ITK: variants seen among roughly 807,000 people sequenced by gnomAD.
ITK encodes the protein tyrosine-protein kinase ITK/TSK.
Under a neutral mutation model 87.6 loss-of-function variants are expected in ITK, and 45 were observed. That is an observed-to-expected ratio of 0.51 (90% CI 0.40 to 0.66). ITK has a LOEUF of 0.66. Among genes scored for constraint, ITK ranks in the 30% least tolerant of loss-of-function variants. The pLI, the probability that ITK is intolerant of heterozygous loss-of-function variation, is 0.00. For synonymous variants in ITK, 303 were observed against 273.6 expected (o/e 1.11, Z -1.06); for missense variants, 605 against 766.3 (o/e 0.79, Z 2.48).
At chr5:157,184,196 G>T (rs1340741403) in intron 1 of ITK, among the ~76,000 whole-genome samples, 1 of 152,166 alleles carries the variant, frequency 6.6e-6, no homozygotes, top group Non-Finnish European at 1.5e-5. Flanking sequence ...AGAGGACAAT[G>T]AGAGATAAGG....
chr5:157,201,445 G>C (rs920545766), intron 1 of ITK, among the ~76,000 whole-genome samples: 15 of 151,630 alleles, frequency 9.9e-5, no homozygotes, highest in African/African-American at 2.2e-4. Flanking sequence ...TTACAGATGC[G>C]TACCACCATG....
At chr5:157,215,238 A>G (rs1754275755) in intron 4 of ITK, among the ~76,000 whole-genome samples, 1 of 151,946 alleles carries the variant, frequency 6.6e-6, no homozygotes, top group Admixed American at 6.5e-5. Flanking sequence ...TTTTCCTTCC[A>G]TTTTCCTCTC....
chr5:157,215,059 C>T lies in ITK; in HGVS notation c.454+740C>T, dbSNP rs571285663. Among the ~76,000 whole-genome samples, 12 of 152,288 alleles carry T rather than the reference C, an allele frequency of 7.9e-5. No homozygotes were observed. In the South Asian group the frequency reaches 1.4e-3, roughly 18 times the overall value. On this transcript the variant is annotated intron_variant, in intron 4 of 16. Coordinates refer to ENST00000422843, the MANE Select transcript of ITK (RefSeq NM_005546.4). ...ACCTCCAGTCGAGTACAACTCCACT[C>T]GAATGCATTTCACATTTATTATGCT...
intron 1 of ITK, among the ~76,000 whole-genome samples, chr5:157,203,082 C>T (rs531081442): frequency 6.6e-6 from 1 of 152,276 alleles, no homozygotes; most frequent in East Asian, 1.9e-4. Flanking sequence ...ACTTTTTGGT[C>T]TCTTCTTAGA....
chr5:157,219,614 T>C (rs375104312), intron 5 of ITK, among the ~76,000 whole-genome samples: 3 of 152,214 alleles, frequency 2.0e-5, no homozygotes, highest in African/African-American at 7.2e-5. Context: ...TGTTTAGATC[T>C]GTCATCAGCC....
intron 8 of ITK, 68 bp downstream of exon 8, chr5:157,232,462 A>T: frequency 8.8e-7 from 1 of 1,140,970 alleles, no homozygotes; most frequent in Non-Finnish European, 1.3e-6. Flanking sequence ...CATGTCTGGA[A>T]TCCCAGCGAT....
In ITK at chr5:157,252,788, G is replaced by T; in HGVS notation, c.*110G>T. On this transcript the variant is annotated 3_prime_UTR_variant, in exon 17 of 17. Coordinates refer to ENST00000422843, the MANE Select transcript of ITK (RefSeq NM_005546.4). ...ACCAGCCCAGGACCCTCCAGAGGCA[G>T]CCTGGCCTGTGGCATCAGTCCCTGA... The T allele has an allele frequency of 1.2e-6, 1 of 859,368 alleles. No individual in the cohort carries two copies. Among genetic ancestry groups the T allele is most frequent in the Non-Finnish European group, 2.0e-6 (1 of 505,504 alleles). The allele number at this position is 859,368 out of a possible 1,614,324, so 53.2% of individuals were successfully genotyped here.
chr5:157,205,273 T>C (rs960689940), intron 1 of ITK, among the ~76,000 whole-genome samples: 1 of 152,152 alleles, frequency 6.6e-6, no homozygotes, highest in Admixed American at 6.5e-5. Context: ...CACAGAGCTC[T>C]TATAGTAAGA....
At chr5:157,219,253 C>T (rs1754364221) in intron 5 of ITK, among the ~76,000 whole-genome samples, 1 of 151,932 alleles carries the variant, frequency 6.6e-6, no homozygotes, top group African/African-American at 2.4e-5. Context: ...GCTGGGATTA[C>T]AGGCGCTCAC....
At chr5:157,229,798 C>G (rs531438026) in intron 7 of ITK, among the ~76,000 whole-genome samples, 1 of 152,274 alleles carries the variant, frequency 6.6e-6, no homozygotes, top group South Asian at 2.1e-4. Flanking sequence ...CCTGTAGTCC[C>G]AGATACTTGG....
At chr5:157,226,893 T>C (rs1023240043) in intron 6 of ITK, among the ~76,000 whole-genome samples, 1 of 152,116 alleles carries the variant, frequency 6.6e-6, no homozygotes, top group Admixed American at 6.6e-5. Flanking sequence ...TCCACACCAC[T>C]GCCCCCACCC....
intron 6 of ITK, among the ~76,000 whole-genome samples, chr5:157,226,228 G>A (rs180859392): frequency 1.3e-5 from 2 of 152,328 alleles, no homozygotes. Context: ...AGCTGATAAT[G>A]TCAGCTTTGT....
chr5:157,233,499 C>T (rs2113767677), intron 8 of ITK, among the ~76,000 whole-genome samples: 2 of 152,294 alleles, frequency 1.3e-5, no homozygotes, highest in South Asian at 4.1e-4. Context: ...CAAAAAAACA[C>T]ACATTAGAAT....
intron 8 of ITK, among the ~76,000 whole-genome samples, chr5:157,237,253 G>C (rs1754795867): frequency 6.6e-6 from 1 of 152,170 alleles, no homozygotes; most frequent in South Asian, 2.1e-4. Flanking sequence ...CAACATAGAT[G>C]CACCTGGAGG....
chr5:157,238,894 A>G (rs752366463), intron 9 of ITK, among the ~76,000 whole-genome samples: 82 of 152,230 alleles, frequency 5.4e-4, no homozygotes, highest in Non-Finnish European at 1.6e-4. Flanking sequence ...GACAATGACC[A>G]AAGTGCAGTC....
intron 1 of ITK, among the ~76,000 whole-genome samples, chr5:157,191,829 A>G (rs540912463): frequency 6.6e-6 from 1 of 152,318 alleles, no homozygotes; most frequent in Admixed American, 6.5e-5. Flanking sequence ...AACACCAAAA[A>G]AAAGCAGTAT....
At chr5:157,207,377 C>CTTTTTTTTTTTTTTTTTT (rs536290068) in intron 1 of ITK, among the ~76,000 whole-genome samples, 2 of 59,140 alleles carry the variant, frequency 3.4e-5, no homozygotes, top group Non-Finnish European at 3.1e-5. Flanking sequence ...AGATACGTCT[C>CTTTTTTTTTTTTTTTTTT]TTTTTTTTTT....
intron 1 of ITK, chr5:157,195,360 C>G (rs1047653441): frequency 6.6e-6 from 1 of 152,202 alleles, no homozygotes; most frequent in Non-Finnish European, 1.5e-5. Context: ...TGTCCCCTTG[C>G]CTCCGTGCCT....
At chr5:157,219,777 T>G (rs1211723374) in intron 5 of ITK, among the ~76,000 whole-genome samples, 8 of 152,192 alleles carry the variant, frequency 5.3e-5, no homozygotes, top group Admixed American at 3.3e-4. Flanking sequence ...GACGGTTCCC[T>G]CAACAGTCCC....
Sources: gnomAD v4.1 joint callset for allele counts (sites outside exome capture counted in the v4.1 genomes callset) on GRCh38, gnomAD v4.1.1 for gene constraint, MANE v1.5 for transcripts, NCBI Gene and HGNC (gene_info 2026-07-23, HGNC 2026-07-21) for gene names.